The following GALNT13 variants were observed in gnomAD, a reference collection of about 807,000 sequenced individuals.
The protein encoded by GALNT13 is polypeptide N-acetylgalactosaminyltransferase 13.
In GALNT13, 28 loss-of-function variants were observed where a neutral mutation model predicts 64.2. The observed-to-expected ratio is 0.44, with a 90% CI of 0.32 to 0.60. The LOEUF (loss-of-function observed/expected upper bound fraction) is 0.60. Among genes scored for constraint, GALNT13 ranks in the 20% least tolerant of loss-of-function variants. The pLI is 0.05. For missense variants in GALNT13, 577 were observed against 669.8 expected (o/e 0.86, Z 1.53); for synonymous variants, 214 against 224.6 (o/e 0.95, Z 0.42).
rs182556466 is a variant in GALNT13 at position 154,142,842 on chromosome 2, A to G, written c.311+2337A>G. Among the ~76,000 whole-genome samples the G allele has an allele frequency of 9.4e-3, 1,420 of 151,624 alleles. 9 individuals carry two copies. Among genetic ancestry groups the G allele is most frequent in the Non-Finnish European group, 0.014 (963 of 67,872 alleles). Reference sequence around the variant, plus strand: ...TGCATATGTGTGTGTGTGTGTGTATATATATATATATATTTGTTTGTATAT... The same window carrying G: ...TGCATATGTGTGTGTGTGTGTGTATGTATATATATATATTTGTTTGTATAT... On this transcript the variant is annotated intron_variant, in intron 4 of 12. Transcript: ENST00000392825.
intron 9 of GALNT13, among the ~76,000 whole-genome samples, chr2:154,369,618 C>T (rs1409664489): frequency 6.6e-6 from 1 of 152,050 alleles, no homozygotes; most frequent in South Asian, 2.1e-4. Context: ...AAGGACAAAG[C>T]CCTCATGAGC....
At chr2:153,362,629 C>T in the GALNT13 span, among the ~76,000 whole-genome samples, 1 of 141,062 alleles carries the variant, frequency 7.1e-6, no homozygotes, top group African/African-American at 2.6e-5. Context: ...CAACAAAGAT[C>T]AAAAAAGACG....
the GALNT13 span, among the ~76,000 whole-genome samples, chr2:153,257,124 T>G: frequency 1.3e-5 from 2 of 152,240 alleles, no homozygotes; most frequent in African/African-American, 2.4e-5. Context: ...CGTAGGACCC[T>G]CCGAGCCAGG....
intron 11 of GALNT13, among the ~76,000 whole-genome samples, chr2:154,430,952 C>T (rs1379052444): frequency 6.6e-6 from 1 of 152,146 alleles, no homozygotes; most frequent in Non-Finnish European, 1.5e-5. Flanking sequence ...AGACACAATG[C>T]TACTGCACGC....
chr2:154,448,836 G>A (rs1701727864), intron 12 of GALNT13, among the ~76,000 whole-genome samples: 1 of 151,822 alleles, frequency 6.6e-6, no homozygotes, highest in Non-Finnish European at 1.5e-5. Flanking sequence ...AGCTTAATGG[G>A]CAATGACATA....
At chr2:153,944,222 C>A (rs73965326) in intron 2 of GALNT13, among the ~76,000 whole-genome samples, 172 bp from the exon 3 acceptor site, 10,351 of 152,110 alleles carry the variant, frequency 0.068, 762 homozygotes, top group African/African-American at 0.19. Flanking sequence ...AAATGTTAGC[C>A]AACTAGCTTG....
At chr2:154,055,971 G>C (rs1330201451) in intron 3 of GALNT13, among the ~76,000 whole-genome samples, 1 of 152,092 alleles carries the variant, frequency 6.6e-6, no homozygotes, top group East Asian at 1.9e-4. Flanking sequence ...GTATTGTTAA[G>C]TAAACCAATA....
At chr2:153,814,465 G>GTAAGTAAGTAAATAAA in the GALNT13 span, among the ~76,000 whole-genome samples, 5 of 148,906 alleles carry the variant, frequency 3.4e-5, no homozygotes, top group Non-Finnish European at 5.9e-5. Flanking sequence ...AAGTAAGTAA[G>GTAAGTAAGTAAATAAA]TAAATAAATA....
At chr2:154,080,664 A>G (rs1701227647) in intron 3 of GALNT13, among the ~76,000 whole-genome samples, 1 of 151,694 alleles carries the variant, frequency 6.6e-6, no homozygotes, top group Non-Finnish European at 1.5e-5. Context: ...ATACATTCAT[A>G]GTTCAATGCA....
chr2:153,115,470 T>C, the GALNT13 span, among the ~76,000 whole-genome samples: 1 of 152,232 alleles, frequency 6.6e-6, no homozygotes, highest in South Asian at 2.1e-4. Flanking sequence ...ATGTTTTCAC[T>C]TGATTTTGGT....
chr2:153,830,501 A>G, the GALNT13 span, among the ~76,000 whole-genome samples: 6 of 152,276 alleles, frequency 3.9e-5, no homozygotes, highest in East Asian at 1.2e-3. Context: ...TAATATTGCC[A>G]GTATTAAGTA....
intron 12 of GALNT13, among the ~76,000 whole-genome samples, chr2:154,447,024 C>A (rs912997889): frequency 6.6e-6 from 1 of 150,818 alleles, no homozygotes; most frequent in African/African-American, 2.4e-5. Flanking sequence ...CATAAATATA[C>A]TTGATGAACG....
chr2:153,692,370 A>G, the GALNT13 span, among the ~76,000 whole-genome samples: 1 of 152,290 alleles, frequency 6.6e-6, no homozygotes, highest in Non-Finnish European at 1.5e-5. Context: ...AAAAAACAAT[A>G]ATGAATCCCT....
At chr2:153,128,060 G>C in the GALNT13 span, among the ~76,000 whole-genome samples, 2 of 152,100 alleles carry the variant, frequency 1.3e-5, no homozygotes, top group Non-Finnish European at 2.9e-5. Flanking sequence ...AAGGTACAAG[G>C]TAGAGAAGGA....
the GALNT13 span, among the ~76,000 whole-genome samples, chr2:153,756,572 T>A: frequency 6.6e-6 from 1 of 152,140 alleles, no homozygotes; most frequent in Non-Finnish European, 1.5e-5. Flanking sequence ...TGCAAAGAGA[T>A]GAAACTTGCC....
At chr2:154,052,346 C>T (rs1472355156) in intron 3 of GALNT13, among the ~76,000 whole-genome samples, 1 of 152,166 alleles carries the variant, frequency 6.6e-6, no homozygotes. Flanking sequence ...TGTTTTAATC[C>T]AATGAGACTA....
At chr2:153,896,383 G>A (rs12693852) in intron 1 of GALNT13, among the ~76,000 whole-genome samples, 94,744 of 150,364 alleles carry the variant, frequency 0.63, 30,160 homozygotes, top group East Asian at 0.82. Context: ...ATATATCAAT[G>A]TGTAAATTAT....
At chr2:153,745,550 A>G in the GALNT13 span, among the ~76,000 whole-genome samples, 1 of 152,076 alleles carries the variant, frequency 6.6e-6, no homozygotes, top group Non-Finnish European at 1.5e-5. Flanking sequence ...TGCAATTTCC[A>G]TTTCTAAATT....
At position 154,449,338 on chromosome 2, in the gene GALNT13, A is replaced by T. The variant is rs915745267; in HGVS notation, c.1531-1073A>T. Among the ~76,000 whole-genome samples the T allele has an allele frequency of 2.0e-5, 3 of 151,070 alleles. 1 individual carries two copies. The highest frequency in any genetic ancestry group is 6.7e-5 in the Admixed American group (1 of 14,974). On this transcript the variant is annotated intron_variant, in intron 12 of 12. Coordinates refer to ENST00000392825, the MANE Select transcript of GALNT13 (RefSeq NM_052917.4). ...TTTTCAGTCCTAATCTAAGCAAACT[A>T]CAATCGTCTGGCTGCTGTTCCTCTA...
Sources: allele counts gnomAD v4.1 joint callset (sites outside exome capture counted in the v4.1 genomes callset), GRCh38; gene constraint gnomAD v4.1.1; transcripts MANE v1.5; gene names NCBI Gene and HGNC (gene_info 2026-07-23, HGNC 2026-07-21).